Variants in VWA5B1 observed in about 807,000 individuals in gnomAD.
VWA5B1 encodes von Willebrand factor A domain-containing protein 5B1.
Under a neutral mutation model 118.2 loss-of-function variants are expected in VWA5B1, and 115 were observed. The ratio of observed to expected loss-of-function variants is 0.97; its 90% CI spans 0.84 to 1.14. The LOEUF (loss-of-function observed/expected upper bound fraction) is 1.14, where lower values mean the gene tolerates loss of function less well. VWA5B1 is among the 50% of genes most tolerant of loss of function. The pLI, the probability that VWA5B1 is intolerant of heterozygous loss-of-function variation, is 0.00. For missense variants in VWA5B1, 1,596 were observed against 1,603.8 expected, an observed-to-expected ratio of 1.00 and a Z score of 0.08; for synonymous variants, 682 against 658.4, an observed-to-expected ratio of 1.04 and a Z score of -0.55.
chr1:20,303,563 G>C lies in VWA5B1; in HGVS notation c.-26-7013G>C, dbSNP rs143626879. Among the ~76,000 whole-genome samples, 237 of 152,274 alleles carry C rather than the reference G, an allele frequency of 1.6e-3. 1 individual carries two copies. The highest frequency in any genetic ancestry group is 3.0e-3 in the Admixed American group (46 of 15,294). On this transcript the variant is annotated intron_variant, in intron 1 of 21. Coordinates refer to ENST00000289815, the MANE Select transcript of VWA5B1 (RefSeq NM_001039500.3). The stretch of plus-strand genomic sequence containing the variant: ...CAAGGAGGTTAAGTAACTTGCTCAA[G>C]AATACGCAAAATGTGAGTGGCAGAG...
chr1:20,345,755 T>TA (rs773271591), intron 17 of VWA5B1, among the ~76,000 whole-genome samples, 162 bp downstream of exon 17: 67 of 152,018 alleles, frequency 4.4e-4, no homozygotes, highest in Non-Finnish European at 8.1e-4. Flanking sequence ...TGCTAGGGGG[T>TA]GGGCGCCCCT....
At chr1:20,317,338 C>T (rs1054811616) in intron 4 of VWA5B1, among the ~76,000 whole-genome samples, 192 bp from the exon 5 acceptor site, 4 of 152,056 alleles carry the variant, frequency 2.6e-5, no homozygotes, top group Admixed American at 1.3e-4. Flanking sequence ...GTGGGTGCTC[C>T]TTGGAGGTGG....
intron 8 of VWA5B1, 99 bp downstream of exon 8, chr1:20,323,631 A>G (rs2089291158): frequency 8.1e-7 from 1 of 1,233,280 alleles, no homozygotes; most frequent in Non-Finnish European, 1.0e-6. Flanking sequence ...GTTCCAAGAA[A>G]CAACTTTTAA....
chr1:20,343,086 C>A lies in VWA5B1; in HGVS notation c.2319C>A (p.Ser773=). Residue 773 remains serine, a synonymous_variant, in exon 16 of 22, where the codon TCC becomes TCA. Transcript: ENST00000289815. ...DSRSPGDLEP[S]HHPSAFETET... ...TTGTCCCTCTGCCCGCAGAGCCGTC[C>A]CACCATCCCTCTGCCTTCGAGACAG... 6.6e-7 allele frequency: 1 copy of A among 1,518,114 alleles called. No individual in the cohort carries two copies. Among genetic ancestry groups the A allele is most frequent in the Non-Finnish European group, 8.9e-7 (1 of 1,126,702 alleles). The allele number at this position is 1,518,114 out of a possible 1,614,324, so 94.0% of individuals were successfully genotyped here.
chr1:20,307,658 T>C (rs1223088502), intron 1 of VWA5B1, among the ~76,000 whole-genome samples: 4 of 152,090 alleles, frequency 2.6e-5, no homozygotes. Context: ...CCTTGCCATG[T>C]GGGCTGGGTC....
At chr1:20,297,926 G>T (rs1431835214) in intron 1 of VWA5B1, among the ~76,000 whole-genome samples, 1 of 144,054 alleles carries the variant, frequency 6.9e-6, no homozygotes, top group Admixed American at 7.0e-5. Context: ...ATGTGAAAGT[G>T]CTTTAATTAT....
chr1:20,314,713 C>T lies in VWA5B1; in HGVS notation c.563+121C>T, dbSNP rs775168510. The T allele has an allele frequency of 4.9e-4, 711 of 1,452,230 alleles. 1 individual carries two copies. Among genetic ancestry groups the T allele is most frequent in the Non-Finnish European group, 6.2e-4 (684 of 1,095,442 alleles). 90.0% of individuals were successfully genotyped at this position (1,452,230 alleles called of 1,614,324 possible). A position where few individuals can be genotyped will look rare whatever the true frequency, so the allele number is the denominator to read the frequency against. On this transcript the variant is annotated intron_variant, in intron 4 of 21. Coordinates refer to ENST00000289815, the MANE Select transcript of VWA5B1 (RefSeq NM_001039500.3). Reference sequence around the variant, plus strand: ...GAGGAGATGGGGAGGCTCTGCTCTACGATTGCCACCCTCTGAGCCATTTGC... The same window carrying T: ...GAGGAGATGGGGAGGCTCTGCTCTATGATTGCCACCCTCTGAGCCATTTGC...
At position 20,342,512 on chromosome 1, in the gene VWA5B1, C is replaced by T. The variant is rs1485296175; in HGVS notation, c.2214C>T (p.Pro738=). 3.2e-6 allele frequency: 5 copies of T among 1,550,820 alleles called. No individual in the cohort carries two copies. The South Asian group carries it at 6.0e-5, about 18-fold the overall frequency. The part of the protein sequence containing the change: ...GPGARRPSLL[P]QGCQPFLPWG... ...GGGCCCGAAGGCCCTCTCTGCTGCC[C>T]CAAGGCTGCCAGCCCTTCCTGCCCT... The change falls in exon 15 of 22, where the codon CCC becomes CCT. Residue 738 remains proline, a synonymous_variant. Transcript: ENST00000289815.
rs2088816107 is a variant in VWA5B1 at position 20,310,557 on chromosome 1, C to T, written c.-26-19C>T. On this transcript the variant is annotated intron_variant, in intron 1 of 21. Coordinates refer to ENST00000289815, the MANE Select transcript of VWA5B1 (RefSeq NM_001039500.3). ...TGGGGGAGCCTCTTCCCACTTCCTG[C>T]CCTTCCTGTGTCTCACAGGTTCTGA... 2.0e-6 allele frequency: 3 copies of T among 1,471,442 alleles called. No individual in the cohort carries two copies. Among genetic ancestry groups the T allele is most frequent in the Non-Finnish European group, 2.7e-6 (3 of 1,109,040 alleles). 91.1% of individuals were successfully genotyped at this position (1,471,442 alleles called of 1,614,324 possible).
rs1483798255 is a variant in VWA5B1 at position 20,317,521 on chromosome 1, C to G, written c.564-9C>G. On this transcript the variant is annotated splice_polypyrimidine_tract_variant and intron_variant, in intron 4 of 21. Transcript: ENST00000289815. ...CTGGTCTCCTTTCCTTCCCCCGGCC[C>G]TTTTCCAGCAAAGACAGGCACTGCT... 1 of 1,551,238 alleles carries G rather than the reference C, an allele frequency of 6.4e-7. No homozygotes were observed. Among genetic ancestry groups the G allele is most frequent in the Non-Finnish European group, 8.7e-7 (1 of 1,146,796 alleles).
In VWA5B1 at chr1:20,354,457, A is replaced by G. The variant is rs1160557187; in HGVS notation, c.*194A>G. The G allele has an allele frequency of 3.0e-6, 2 of 671,394 alleles. No individual in the cohort carries two copies. Among genetic ancestry groups the G allele is most frequent in the East Asian group, 5.7e-5 (2 of 35,366 alleles). 41.6% of individuals were successfully genotyped at this position (671,394 alleles called of 1,614,324 possible). On this transcript the variant is annotated 3_prime_UTR_variant, in exon 22 of 22. Coordinates refer to ENST00000289815, the MANE Select transcript of VWA5B1 (RefSeq NM_001039500.3). ...CCATCCAGCCATGCAACTTTAGGCC[A>G]GTGCCTGCCCCCGTCTGGGCCTCAG...
At chr1:20,350,380 T>C (rs951050781) in intron 19 of VWA5B1, 150 bp downstream of exon 19, 8 of 900,942 alleles carry the variant, frequency 8.9e-6, no homozygotes, top group African/African-American at 1.7e-5. Context: ...TTATCCCCAA[T>C]TGAAAGATGA....
At position 20,352,258 on chromosome 1, in the gene VWA5B1, C is replaced by T; in HGVS notation, c.3141+86C>T. ...TGTGATCCCCCTGCCCACCTCTCCACTTCCTCAAAGAGAAGAAGGCTTTGG... is the reference window on the plus strand; with the variant it reads ...TGTGATCCCCCTGCCCACCTCTCCATTTCCTCAAAGAGAAGAAGGCTTTGG... On this transcript the variant is annotated intron_variant, in intron 21 of 21. Transcript: ENST00000289815. 4 of 1,033,216 alleles carry T rather than the reference C, an allele frequency of 3.9e-6. No individual in the cohort carries two copies. The East Asian group carries it at 8.1e-5, about 21-fold the overall frequency. 64.0% of individuals were successfully genotyped at this position (1,033,216 alleles called of 1,614,324 possible).
At position 20,356,901 on chromosome 1, in the gene VWA5B1, G is replaced by A. The variant is rs375050079; in HGVS notation, c.*2638G>A. ...CGTGCTACCGGGACTGCTAGGCAGA[G>A]GACCTAGGGGACTCGCTTTAAGGAA... On this transcript the variant is annotated 3_prime_UTR_variant, in exon 22 of 22. Transcript: ENST00000289815. Among the ~76,000 whole-genome samples the A allele has an allele frequency of 6.6e-6, 1 of 152,334 alleles. No homozygotes were observed. Among genetic ancestry groups the A allele is most frequent in the South Asian group, 2.1e-4 (1 of 4,826 alleles).
intron 12 of VWA5B1, among the ~76,000 whole-genome samples, chr1:20,335,909 A>G (rs1476198119): frequency 6.6e-6 from 1 of 152,226 alleles, no homozygotes; most frequent in Non-Finnish European, 1.5e-5. Context: ...ATCCACATAT[A>G]AATGGACCCA....
chr1:20,342,577 G>A lies in VWA5B1; in HGVS notation c.2279G>A (p.Arg760Gln), dbSNP rs558317313. 56 of 1,514,364 alleles carry A rather than the reference G, an allele frequency of 3.7e-5. No homozygotes were observed. Among genetic ancestry groups the A allele is most frequent in the South Asian group, 1.8e-4 (14 of 78,254 alleles). The allele number at this position is 1,514,364 out of a possible 1,614,324, so 93.8% of individuals were successfully genotyped here. The part of the protein sequence containing the change: ...ETQAWSPVRE[R>Q]TSDSRSPGDL... The stretch of plus-strand genomic sequence containing the variant: ...CAGGCCTGGAGCCCTGTGAGAGAGC[G>A]GACTTCTGACAGCCGAAGCCCTGGA... Residue 760 changes from arginine to glutamine, a missense_variant, in exon 15 of 22, where the codon CGG becomes CAG. Arg to Gln is a conservative substitution (Grantham distance 43, BLOSUM62 1). Transcript: ENST00000289815.
At chr1:20,293,905 G>A (rs961865607) in intron 1 of VWA5B1, among the ~76,000 whole-genome samples, 1 of 152,204 alleles carries the variant, frequency 6.6e-6, no homozygotes, top group Non-Finnish European at 1.5e-5. Flanking sequence ...GGACAGAGAG[G>A]AGCAGGGAAG....
intron 1 of VWA5B1, among the ~76,000 whole-genome samples, chr1:20,305,386 G>A (rs1345746971): frequency 6.6e-6 from 1 of 152,146 alleles, no homozygotes; most frequent in Non-Finnish European, 1.5e-5. Flanking sequence ...CACCTGAGAT[G>A]ATGGCAGGGC....
At position 20,358,101 on chromosome 1, in the gene VWA5B1, G is replaced by A. The variant is rs993037277; in HGVS notation, c.*3838G>A. Among the ~76,000 whole-genome samples, 4 of 152,210 alleles carry A rather than the reference G, an allele frequency of 2.6e-5. No homozygotes were observed. Among genetic ancestry groups the A allele is most frequent in the East Asian group, 1.9e-4 (1 of 5,164 alleles). On this transcript the variant is annotated 3_prime_UTR_variant, in exon 22 of 22. Transcript: ENST00000289815. ...CCATAAGCGGCCTCGGTTTCCAGCCGGCACCCATGTTTCCCCAGCCAGTCC... is the reference window on the plus strand; with the variant it reads ...CCATAAGCGGCCTCGGTTTCCAGCCAGCACCCATGTTTCCCCAGCCAGTCC...
Sources: allele counts gnomAD v4.1 joint callset (sites outside exome capture counted in the v4.1 genomes callset), GRCh38; gene constraint gnomAD v4.1.1; transcripts MANE v1.5; gene names NCBI Gene and HGNC (gene_info 2026-07-23, HGNC 2026-07-21).